BICRAL: variants seen among roughly 807,000 people sequenced by gnomAD.
BICRAL encodes BICRA like chromatin remodeling complex associated protein, also known as BRD4-interacting chromatin-remodeling complex-associated protein-like.
BICRAL carries 8 observed loss-of-function variants against 91.8 expected under a neutral mutation model. The ratio of observed to expected loss-of-function variants is 0.09; its 90% CI spans 0.05 to 0.16. The LOEUF (loss-of-function observed/expected upper bound fraction) is 0.16, where lower values mean the gene tolerates loss of function less well. Among genes scored for constraint, BICRAL ranks in the 10% least tolerant of loss-of-function variants. BICRAL has a pLI of 1.00. For missense variants in BICRAL, 1,038 were observed against 1,310.9 expected (o/e 0.79, Z 3.21); for synonymous variants, 445 against 491.1 (o/e 0.91, Z 1.24).
chr6:42,796,098 G>A (rs943105112), intron 1 of BICRAL, among the ~76,000 whole-genome samples: 4 of 152,200 alleles, frequency 2.6e-5, no homozygotes, highest in Admixed American at 2.6e-4. Flanking sequence ...ATGTGTGCCA[G>A]GTGCCATTCT....
chr6:42,837,167 G>A (rs898158364), intron 6 of BICRAL, among the ~76,000 whole-genome samples: 13 of 148,642 alleles, frequency 8.7e-5, no homozygotes, highest in African/African-American at 3.0e-4. Flanking sequence ...GGCTGGTCTC[G>A]AACTCCTGAC....
chr6:42,811,537 C>T (rs539098554), intron 2 of BICRAL, among the ~76,000 whole-genome samples: 13 of 152,060 alleles, frequency 8.5e-5, no homozygotes, highest in African/African-American at 2.9e-4. Flanking sequence ...AGGAGAATCA[C>T]TTGAACCTGG....
chr6:42,814,170 A>G (rs1763913212), intron 2 of BICRAL, among the ~76,000 whole-genome samples: 1 of 148,946 alleles, frequency 6.7e-6, no homozygotes, highest in Non-Finnish European at 1.5e-5. Context: ...TGTTATAGCA[A>G]CTTACTACAA....
intron 1 of BICRAL, among the ~76,000 whole-genome samples, chr6:42,767,287 A>G (rs908030323): frequency 7.9e-5 from 12 of 152,042 alleles, no homozygotes; most frequent in African/African-American, 2.7e-4. Flanking sequence ...TTTGTTTTCT[A>G]TTTATGTCAT....
intron 8 of BICRAL, 117 bp downstream of exon 8, chr6:42,853,855 G>A (rs1341327350): frequency 6.9e-6 from 5 of 726,926 alleles, no homozygotes; most frequent in Admixed American, 4.4e-5. Context: ...CCAGTCCCCT[G>A]TGTGCCCACA....
intron 1 of BICRAL, among the ~76,000 whole-genome samples, chr6:42,784,839 T>TC (rs1270987621): frequency 6.6e-6 from 1 of 152,160 alleles, no homozygotes; most frequent in African/African-American, 2.4e-5. Flanking sequence ...TGTCAGGCAC[T>TC]CCAACTTCTT....
At chr6:42,808,314 A>G (rs1763766908) in intron 1 of BICRAL, among the ~76,000 whole-genome samples, 1 of 151,818 alleles carries the variant, frequency 6.6e-6, no homozygotes, top group African/African-American at 2.4e-5. Flanking sequence ...TATTTTTAGT[A>G]GAGATGGGGT....
intron 1 of BICRAL, among the ~76,000 whole-genome samples, chr6:42,767,732 T>A (rs550810367): frequency 1.3e-5 from 2 of 152,264 alleles, no homozygotes; most frequent in East Asian, 3.9e-4. Flanking sequence ...TAATTATTAG[T>A]CAAGCTGACC....
At chr6:42,746,695 C>G (rs1762280304), upstream of BICRAL, among the ~76,000 whole-genome samples, 1 of 150,976 alleles carries the variant, frequency 6.6e-6, no homozygotes, top group Non-Finnish European at 1.5e-5. Context: ...TCTGCCTCCC[C>G]GTAGCCCTCA....
intron 1 of BICRAL, among the ~76,000 whole-genome samples, chr6:42,764,185 T>A (rs1762600303): frequency 6.7e-6 from 1 of 148,284 alleles, no homozygotes. Flanking sequence ...GAGGTTGCAG[T>A]GAGCCAAGAT....
intron 6 of BICRAL, among the ~76,000 whole-genome samples, chr6:42,841,662 T>A (rs1258350411): frequency 6.6e-6 from 1 of 152,168 alleles, no homozygotes; most frequent in Admixed American, 6.6e-5. Context: ...TTTAATGAAT[T>A]ACCAAATCCA....
intron 1 of BICRAL, among the ~76,000 whole-genome samples, chr6:42,785,160 G>T (rs1280611467): frequency 6.6e-6 from 1 of 151,128 alleles, no homozygotes. Flanking sequence ...ATCTCAGTAC[G>T]TTTTTTTTTA....
intron 6 of BICRAL, among the ~76,000 whole-genome samples, chr6:42,842,997 G>A (rs891419773): frequency 1.3e-5 from 2 of 151,962 alleles, no homozygotes; most frequent in Non-Finnish European, 2.9e-5. Flanking sequence ...GGGACTACAG[G>A]CGCCCACCAT....
chr6:42,821,923 C>A, intron 2 of BICRAL, 95 bp from the exon 3 acceptor site: 1 of 695,384 alleles, frequency 1.4e-6, no homozygotes, highest in South Asian at 2.0e-5. Flanking sequence ...AGTTATTTAT[C>A]CAGAAAAGTG....
chr6:42,827,100 A>G (rs1764328987), intron 5 of BICRAL, among the ~76,000 whole-genome samples: 1 of 152,112 alleles, frequency 6.6e-6, no homozygotes, highest in Non-Finnish European at 1.5e-5. Flanking sequence ...TTCCTCATTT[A>G]TGAAACCAGA....
At chr6:42,841,075 T>TA (rs758007416) in intron 6 of BICRAL, among the ~76,000 whole-genome samples, 2,043 of 85,232 alleles carry the variant, frequency 0.024, 74 homozygotes, top group African/African-American at 0.08. Context: ...ACTCAATCTT[T>TA]AAAAAAAAAA....
chr6:42,793,456 A>G (rs1471189447), intron 1 of BICRAL, among the ~76,000 whole-genome samples: 1 of 148,268 alleles, frequency 6.7e-6, no homozygotes, highest in African/African-American at 2.5e-5. Context: ...CTGGCTGCTA[A>G]TTTTTGTATT....
intron 1 of BICRAL, among the ~76,000 whole-genome samples, chr6:42,774,003 C>T (rs57283546): frequency 0.27 from 41,676 of 152,096 alleles, 6,141 homozygotes; most frequent in South Asian, 0.44. Context: ...TGAAAAAACC[C>T]GTCCAGATGT....
At chr6:42,858,896 C>A (rs1765468836) in intron 10 of BICRAL, among the ~76,000 whole-genome samples, 1 of 152,092 alleles carries the variant, frequency 6.6e-6, no homozygotes, top group African/African-American at 2.4e-5. Flanking sequence ...TGTCCTGATG[C>A]CTGGCCATGC....
Sources: gnomAD v4.1 joint callset for allele counts (sites outside exome capture counted in the v4.1 genomes callset) on GRCh38, gnomAD v4.1.1 for gene constraint, MANE v1.5 for transcripts, NCBI Gene and HGNC (gene_info 2026-07-23, HGNC 2026-07-21) for gene names.